Variants in FNDC3B observed in about 807,000 individuals in gnomAD.
FNDC3B encodes fibronectin type III domain-containing protein 3B.
FNDC3B carries 12 observed loss-of-function variants against 151.5 expected under a neutral mutation model. That is an observed-to-expected ratio of 0.08 (90% CI 0.05 to 0.13). The LOEUF (loss-of-function observed/expected upper bound fraction) is 0.13. FNDC3B is among the 10% of genes least tolerant of loss of function. FNDC3B has a pLI of 1.00. For synonymous variants in FNDC3B, 528 were observed against 549.0 expected (o/e 0.96, Z 0.54); for missense variants, 1,214 against 1,505.3 (o/e 0.81, Z 3.20).
intron 2 of FNDC3B, among the ~76,000 whole-genome samples, chr3:172,116,766 A>G (rs779614852): frequency 5.9e-5 from 9 of 152,032 alleles, no homozygotes; most frequent in Non-Finnish European, 1.0e-4. Context: ...GCATTTCACC[A>G]TGTTGGCCAG....
chr3:172,346,848 T>C (rs1433210569), intron 20 of FNDC3B, among the ~76,000 whole-genome samples: 1 of 151,934 alleles, frequency 6.6e-6, no homozygotes, highest in Non-Finnish European at 1.5e-5. Flanking sequence ...GGATTACAGG[T>C]GCCCACCACC....
At chr3:172,155,723 A>T (rs115591157) in intron 3 of FNDC3B, among the ~76,000 whole-genome samples, 1 of 152,232 alleles carries the variant, frequency 6.6e-6, no homozygotes. Flanking sequence ...AGGATGGGAT[A>T]TTAAATATGT....
At chr3:172,086,137 G>A (rs1718535730) in intron 1 of FNDC3B, among the ~76,000 whole-genome samples, 1 of 152,140 alleles carries the variant, frequency 6.6e-6, no homozygotes, top group South Asian at 2.1e-4. Context: ...GAGGTAGGAG[G>A]ATCACTTGAG....
chr3:172,361,709 T>C (rs1250870566), intron 22 of FNDC3B, among the ~76,000 whole-genome samples: 1 of 152,218 alleles, frequency 6.6e-6, no homozygotes, highest in African/African-American at 2.4e-5. Flanking sequence ...TTCCACATTT[T>C]CAGGTATCTT....
At chr3:172,239,786 A>T (rs1576828671) in intron 4 of FNDC3B, among the ~76,000 whole-genome samples, 3 of 149,708 alleles carry the variant, frequency 2.0e-5, no homozygotes, top group Non-Finnish European at 4.4e-5. Context: ...AAAAAAAAAA[A>T]AAAAGAAAAA....
rs552097799 is a variant in FNDC3B at position 172,379,258 on chromosome 3, C to T, written c.3175+822C>T. ...GTGGTTCTTGTGGAGGTCCCTGCAG[C>T]TTGTCTTTTAGGGGACAGACAGCAC... On this transcript the variant is annotated intron_variant, in intron 24 of 25. Transcript: ENST00000415807. Among the ~76,000 whole-genome samples the T allele has an allele frequency of 2.0e-5, 3 of 152,366 alleles. No individual in the cohort carries two copies. The East Asian group carries it at 5.8e-4, about 29-fold the overall frequency.
chr3:172,309,435 G>T (rs773504917), intron 10 of FNDC3B, among the ~76,000 whole-genome samples: 14 of 145,076 alleles, frequency 9.7e-5, no homozygotes, highest in Non-Finnish European at 1.6e-4. Flanking sequence ...AACTACCAAA[G>T]AACAGTTTTT....
intron 3 of FNDC3B, among the ~76,000 whole-genome samples, chr3:172,195,060 C>A (rs1193850120): frequency 6.6e-6 from 1 of 152,068 alleles, no homozygotes; most frequent in Non-Finnish European, 1.5e-5. Context: ...TGAAAGAAAA[C>A]AAAGTCTAAA....
intron 1 of FNDC3B, among the ~76,000 whole-genome samples, chr3:172,091,873 GGTGTGTGTGTGTGTGTGT>G (rs377450281): frequency 8.0e-6 from 1 of 124,756 alleles, no homozygotes; most frequent in African/African-American, 3.2e-5. Context: ...ACTTTACTGG[GGTGTGTGTGTGTGTGTGT>G]GTGTGTGTGT....
At chr3:172,365,454 TC>T (rs1734574087) in intron 23 of FNDC3B, among the ~76,000 whole-genome samples, 1 of 152,216 alleles carries the variant, frequency 6.6e-6, no homozygotes, top group Admixed American at 6.5e-5. Context: ...ACCTGCAGGC[TC>T]TCAAAGATAT....
intron 3 of FNDC3B, among the ~76,000 whole-genome samples, chr3:172,178,359 C>T (rs1723716190): frequency 6.6e-6 from 1 of 152,050 alleles, no homozygotes; most frequent in African/African-American, 2.4e-5. Context: ...AAATTTAAGG[C>T]CTAGGAGACA....
At chr3:172,182,271 G>A (rs935499378) in intron 3 of FNDC3B, among the ~76,000 whole-genome samples, 1 of 152,202 alleles carries the variant, frequency 6.6e-6, no homozygotes, top group Non-Finnish European at 1.5e-5. Flanking sequence ...TAGAGAACAC[G>A]GAGGTCAGGA....
At chr3:172,074,541 A>T (rs553672152) in intron 1 of FNDC3B, among the ~76,000 whole-genome samples, 1 of 152,294 alleles carries the variant, frequency 6.6e-6, no homozygotes, top group African/African-American at 2.4e-5. Context: ...AGTCAGCGAG[A>T]TTTCTTGCTT....
chr3:172,130,079 C>T (rs1720994330), intron 2 of FNDC3B, among the ~76,000 whole-genome samples: 1 of 152,074 alleles, frequency 6.6e-6, no homozygotes. Flanking sequence ...GGTTGTGACT[C>T]ATGCTCCTCG....
At chr3:172,104,076 C>T (rs1166672466) in intron 1 of FNDC3B, among the ~76,000 whole-genome samples, 2 of 152,154 alleles carry the variant, frequency 1.3e-5, no homozygotes, top group Non-Finnish European at 2.9e-5. Context: ...ACATTCTTTT[C>T]TCAACATTTT....
At chr3:172,360,354 A>G (rs918719148) in intron 22 of FNDC3B, among the ~76,000 whole-genome samples, 2 of 152,156 alleles carry the variant, frequency 1.3e-5, no homozygotes, top group African/African-American at 4.8e-5. Flanking sequence ...GTTACAAATC[A>G]TTTGTCAGAT....
chr3:172,344,057 C>G lies in FNDC3B; in HGVS notation c.2078-29C>G, dbSNP rs76091092. 1.9e-6 allele frequency: 3 copies of G among 1,593,496 alleles called. No homozygotes were observed. In the African/African-American group the frequency reaches 4.0e-5, roughly 21 times the overall value. On this transcript the variant is annotated intron_variant, in intron 18 of 25. Transcript: ENST00000415807. ...TGGTCAACTGGAAGCACAAAGTGTTCTAAGATGAAAAAAATTCTTCATTCC... is the reference window on the plus strand; with the variant it reads ...TGGTCAACTGGAAGCACAAAGTGTTGTAAGATGAAAAAAATTCTTCATTCC...
intron 6 of FNDC3B, among the ~76,000 whole-genome samples, chr3:172,267,544 G>C (rs1379848615): frequency 1.3e-5 from 2 of 152,180 alleles, no homozygotes; most frequent in East Asian, 3.8e-4. Flanking sequence ...TTGTGCTGTG[G>C]ACGTGCATGT....
At position 172,341,136 on chromosome 3, in the gene FNDC3B, A is replaced by G. The variant is rs770337935; in HGVS notation, c.1876A>G (p.Ser626Gly). The G allele has an allele frequency of 3.1e-6, 5 of 1,613,928 alleles. No homozygotes were observed. Among genetic ancestry groups the G allele is most frequent in the Middle Eastern group, 1.6e-4 (1 of 6,082 alleles). The change falls in exon 17 of 26, where the codon AGT becomes GGT. Residue 626 changes from serine (S) to glycine (G), a missense_variant. This residue lies in a region of FNDC3B where 380 missense variants were observed against 420.9 expected (regional missense o/e 0.90). Coordinates refer to ENST00000415807, the MANE Select transcript of FNDC3B (RefSeq NM_022763.4). ...SEANQWEVAY[S>G]GSATEYTFTH... Reference sequence around the variant, plus strand: ...AGCGAATCAGTGGGAAGTGGCCTACAGTGGGTCGGCTACCGAATACACCTT... The same window carrying G: ...AGCGAATCAGTGGGAAGTGGCCTACGGTGGGTCGGCTACCGAATACACCTT...
Sources: allele counts gnomAD v4.1 joint callset (sites outside exome capture counted in the v4.1 genomes callset), GRCh38; gene constraint gnomAD v4.1.1; regional missense constraint gnomAD v4.1.1; transcripts MANE v1.5; gene names NCBI Gene and HGNC (gene_info 2026-07-23, HGNC 2026-07-21).